SNX13: variants seen among roughly 807,000 people sequenced by gnomAD.
SNX13 encodes sorting nexin 13, also known as sorting nexin-13.
Under a neutral mutation model 133.6 loss-of-function variants are expected in SNX13, and 45 were observed. The ratio of observed to expected loss-of-function variants is 0.34; its 90% CI spans 0.27 to 0.43. The LOEUF is 0.43. SNX13 is among the 20% of genes least tolerant of loss of function. The probability of loss-of-function intolerance (pLI) is 1.00; values close to 1 mark genes in which losing one functional copy is unlikely to be tolerated. For missense variants in SNX13, 1,032 were observed against 1,145.1 expected, an observed-to-expected ratio of 0.90 and a Z score of 1.43; for synonymous variants, 414 against 373.9, an observed-to-expected ratio of 1.11 and a Z score of -1.24.
Position 17,854,928 on chromosome 7 carries a change from A to G in SNX13, c.838-3964T>C, listed in dbSNP as rs1374137140. ...AGCCAGGAAAATGTATCAAAAGCCA[A>G]GACAGACTTAAAGCTTGGTCTCTTG... On this transcript the variant is annotated intron_variant, in intron 9 of 25. Coordinates refer to ENST00000428135, the MANE Select transcript of SNX13 (RefSeq NM_015132.5). Among the ~76,000 whole-genome samples the G allele has an allele frequency of 4.6e-5, 7 of 152,350 alleles. No individual in the cohort carries two copies. In the Middle Eastern group the frequency reaches 0.014, roughly 296 times the overall value.
chr7:17,935,184 CT>C (rs1801881210), intron 1 of SNX13, among the ~76,000 whole-genome samples: 1 of 152,118 alleles, frequency 6.6e-6, no homozygotes, highest in South Asian at 2.1e-4. Context: ...ACTAATTGGG[CT>C]TAAAAGAGAA....
At chr7:17,936,882 TAAAC>T (rs1483683372) in intron 1 of SNX13, among the ~76,000 whole-genome samples, 1 of 150,904 alleles carries the variant, frequency 6.6e-6, no homozygotes, top group Non-Finnish European at 1.5e-5. Flanking sequence ...GAGTGAATAT[TAAAC>T]AAGTAACTTT....
chr7:17,864,779 A>G (rs976331586), intron 9 of SNX13, among the ~76,000 whole-genome samples: 9 of 149,104 alleles, frequency 6.0e-5, no homozygotes, highest in African/African-American at 2.0e-4. Flanking sequence ...AAAGAAGGAG[A>G]AGGAGGAGAA....
chr7:17,830,441 G>C (rs1562718665), intron 15 of SNX13: 17 of 983,780 alleles, frequency 1.7e-5, no homozygotes, highest in Non-Finnish European at 2.1e-5. Context: ...TGTCTCATTG[G>C]ATTAAGAAAG....
chr7:17,860,783 T>C (rs1322477462), intron 9 of SNX13, among the ~76,000 whole-genome samples: 1 of 152,234 alleles, frequency 6.6e-6, no homozygotes, highest in Non-Finnish European at 1.5e-5. Context: ...CATGAGAACT[T>C]ACTTCTCAGT....
chr7:17,814,382 G>A (rs1269205432), intron 20 of SNX13, among the ~76,000 whole-genome samples: 4 of 151,852 alleles, frequency 2.6e-5, no homozygotes, highest in South Asian at 4.2e-4. Context: ...CTTACCTTAC[G>A]ATTTTATTCC....
chr7:17,928,957 T>A (rs530099620), intron 1 of SNX13, among the ~76,000 whole-genome samples: 2 of 151,836 alleles, frequency 1.3e-5, no homozygotes, highest in African/African-American at 2.4e-5. Flanking sequence ...ATTCTATTTG[T>A]TACCCTTTTA....
intron 16 of SNX13, among the ~76,000 whole-genome samples, chr7:17,829,633 A>C (rs1788264498): frequency 6.6e-6 from 1 of 151,330 alleles, no homozygotes; most frequent in Admixed American, 6.6e-5. Flanking sequence ...AGGAGAAAAA[A>C]ACTGATTCCA....
intron 9 of SNX13, among the ~76,000 whole-genome samples, chr7:17,860,491 C>T (rs1051918691): frequency 6.6e-6 from 1 of 152,154 alleles, no homozygotes; most frequent in Non-Finnish European, 1.5e-5. Context: ...GATACACTCC[C>T]ACTCTCTATT....
At chr7:17,902,449 A>C (rs1285471961) in intron 1 of SNX13, among the ~76,000 whole-genome samples, 1 of 152,114 alleles carries the variant, frequency 6.6e-6, no homozygotes, top group Non-Finnish European at 1.5e-5. Context: ...AATTGTCCAA[A>C]AATCAAGTTA....
rs1583422253 is a variant in SNX13, at chr7:17,791,563, T to C, written c.*2482A>G. ...TATGATGGTTTCTAAATAGTGTACA[T>C]GTTACCTGAAAAATCAGAAAACACA... is the stretch of plus-strand genomic sequence containing the variant. On this transcript the variant is annotated 3_prime_UTR_variant, in exon 26 of 26. Transcript: ENST00000428135. 6.6e-6 allele frequency: 1 copy of C among 152,184 alleles called. No individual in the cohort carries two copies. Among genetic ancestry groups the C allele is most frequent in the South Asian group, 2.1e-4 (1 of 4,834 alleles). The allele number at this position is 152,184 out of a possible 1,614,324, so 9.4% of individuals were successfully genotyped here. A position where few individuals can be genotyped will look rare whatever the true frequency, so the allele number is the denominator to read the frequency against.
At chr7:17,805,254 T>TGCGCGCGCGTGCGCGCGCGCGCGC (rs1554304329) in intron 20 of SNX13, among the ~76,000 whole-genome samples, 1 of 132,522 alleles carries the variant, frequency 7.5e-6, no homozygotes, top group Non-Finnish European at 1.6e-5. Context: ...TGTGTGTGCG[T>TGCGCGCGCGTGCGCGCGCGCGCGC]GCGCGCGCGC....
chr7:17,859,690 C>T (rs111459696), intron 9 of SNX13, among the ~76,000 whole-genome samples: 1 of 152,104 alleles, frequency 6.6e-6, no homozygotes, highest in Admixed American at 6.5e-5. Flanking sequence ...GTTCTCTCCT[C>T]CCAGATCCCA....
chr7:17,936,974 A>G (rs941671087), intron 1 of SNX13, among the ~76,000 whole-genome samples: 6 of 151,108 alleles, frequency 4.0e-5, no homozygotes, highest in Non-Finnish European at 8.8e-5. Context: ...AGGAGCAAGG[A>G]CAACAGAAGG....
rs1783498840 is a variant in SNX13 at position 17,791,184 on chromosome 7, A to G, written c.*2861T>C. ...AAAAAATTAAAAATTCATTTATCTT[A>G]CAATTACTCAAATACACATGCATTA... is the stretch of plus-strand genomic sequence containing the variant. On this transcript the variant is annotated 3_prime_UTR_variant, in exon 26 of 26. Transcript: ENST00000428135. 6.6e-6 allele frequency: 1 copy of G among 152,060 alleles called. No individual in the cohort carries two copies. The highest frequency in any genetic ancestry group is 1.5e-5 in the Non-Finnish European group (1 of 67,914). 9.4% of individuals were successfully genotyped at this position (152,060 alleles called of 1,614,324 possible). A position where few individuals can be genotyped will look rare whatever the true frequency, so the allele number is the denominator to read the frequency against.
intron 1 of SNX13, among the ~76,000 whole-genome samples, chr7:17,914,679 G>C (rs1460993719): frequency 6.6e-6 from 1 of 152,138 alleles, no homozygotes; most frequent in Non-Finnish European, 1.5e-5. Context: ...AGTCACTAAA[G>C]AAATTTGCCA....
intron 1 of SNX13, among the ~76,000 whole-genome samples, chr7:17,904,599 A>C (rs557122977): frequency 6.6e-6 from 1 of 152,314 alleles, no homozygotes; most frequent in African/African-American, 2.4e-5. Context: ...TCTGAGATCA[A>C]TCTCACTAGA....
Position 17,793,870 on chromosome 7 carries a change from G to C in SNX13, c.*175C>G. 2 of 642,764 alleles carry C rather than the reference G, an allele frequency of 3.1e-6. No homozygotes were observed. The highest frequency in any genetic ancestry group is 3.1e-5 in the South Asian group (1 of 32,252). 39.8% of individuals were successfully genotyped at this position (642,764 alleles called of 1,614,324 possible). On this transcript the variant is annotated 3_prime_UTR_variant, in exon 26 of 26. Coordinates refer to ENST00000428135, the MANE Select transcript of SNX13 (RefSeq NM_015132.5). ...TAAGACACAGAAATCTCTCTTGGTA[G>C]TGGTGGATTATAGATGAGAATGAGA...
chr7:17,854,287 T>G (rs1011654900), intron 9 of SNX13, among the ~76,000 whole-genome samples: 1 of 152,238 alleles, frequency 6.6e-6, no homozygotes, highest in Non-Finnish European at 1.5e-5. Context: ...GGTGATAAAG[T>G]ACTGCCCTCT....
Sources: gnomAD v4.1 joint callset for allele counts (sites outside exome capture counted in the v4.1 genomes callset) on GRCh38, gnomAD v4.1.1 for gene constraint, MANE v1.5 for transcripts, NCBI Gene and HGNC (gene_info 2026-07-23, HGNC 2026-07-21) for gene names.